Variants in TET3 observed in about 807,000 individuals in gnomAD.
TET3 encodes tet methylcytosine dioxygenase 3, also known as methylcytosine dioxygenase TET3.
Under a neutral mutation model 141.4 loss-of-function variants are expected in TET3, and 19 were observed. That is an observed-to-expected ratio of 0.13 (90% confidence interval 0.09 to 0.20). TET3 has a LOEUF of 0.20. TET3 is among the 10% of genes least tolerant of loss of function. TET3 has a pLI of 1.00. For missense variants in TET3, 1,874 were observed against 2,356.9 expected (o/e 0.80, Z 4.24); for synonymous variants, 1,043 against 980.9 (o/e 1.06, Z -1.18).
At chr2:74,126,425 A>G in the TET3 span, among the ~76,000 whole-genome samples, 2 of 152,062 alleles carry the variant, frequency 1.3e-5, no homozygotes, top group South Asian at 2.1e-4. Flanking sequence ...ACACTCATAC[A>G]TAGGCATTGA....
At chr2:73,990,798 C>G (rs1345573407) in intron 2 of TET3, among the ~76,000 whole-genome samples, 2 of 152,146 alleles carry the variant, frequency 1.3e-5, no homozygotes, top group Non-Finnish European at 2.9e-5. Flanking sequence ...GAATCCTTGC[C>G]CATCCTGCTG....
At chr2:74,088,502 G>A (rs1203477296) in intron 7 of TET3, among the ~76,000 whole-genome samples, 3 of 151,994 alleles carry the variant, frequency 2.0e-5, no homozygotes, top group South Asian at 2.1e-4. Flanking sequence ...TTAGTCAGGC[G>A]TGGTGGCACA....
the TET3 span, chr2:74,134,849 A>T: frequency 2.3e-6 from 1 of 438,114 alleles, no homozygotes; most frequent in Non-Finnish European, 4.7e-6. Flanking sequence ...CATCCAGAAC[A>T]CCAGATGTTG....
intron 4 of TET3, among the ~76,000 whole-genome samples, chr2:74,069,588 T>A (rs1271528788): frequency 6.6e-6 from 1 of 151,422 alleles, no homozygotes; most frequent in African/African-American, 2.4e-5. Flanking sequence ...CCCTTTCTTA[T>A]CTTTTTTTTT....
chr2:74,049,070 G>A (rs1444712492), intron 4 of TET3, among the ~76,000 whole-genome samples: 2 of 152,180 alleles, frequency 1.3e-5, no homozygotes, highest in East Asian at 1.9e-4. Flanking sequence ...TGTAAGAAAG[G>A]TGTTGTCATG....
At chr2:74,075,161 C>T (rs35120660) in intron 5 of TET3, among the ~76,000 whole-genome samples, 6,380 of 152,046 alleles carry the variant, frequency 0.042, 182 homozygotes, top group Middle Eastern at 0.095. Context: ...TGAGCCACTG[C>T]GCCCAGCTGC....
At chr2:74,114,302 G>A in the TET3 span, among the ~76,000 whole-genome samples, 6 of 38,198 alleles carry the variant, frequency 1.6e-4, no homozygotes, top group South Asian at 2.2e-3. Flanking sequence ...TTGGGGACTC[G>A]GGGGGGAGGG....
chr2:73,997,942 CA>C (rs1338894173), intron 2 of TET3, among the ~76,000 whole-genome samples: 1 of 152,130 alleles, frequency 6.6e-6, no homozygotes, highest in Non-Finnish European at 1.5e-5. Flanking sequence ...CCATAGAGGC[CA>C]GCCAGGAAGG....
intron 2 of TET3, among the ~76,000 whole-genome samples, chr2:73,999,203 G>A (rs57602370): frequency 3.9e-5 from 6 of 152,280 alleles, no homozygotes; most frequent in East Asian, 3.9e-4. Flanking sequence ...TATGAAAATC[G>A]TAGAGCAACA....
intron 4 of TET3, among the ~76,000 whole-genome samples, chr2:74,049,075 G>T (rs770165343): frequency 1.3e-5 from 2 of 152,172 alleles, no homozygotes; most frequent in Non-Finnish European, 2.9e-5. Context: ...GAAAGGTGTT[G>T]TCATGAGCCA....
In TET3 at chr2:74,099,447, C is replaced by G; in HGVS notation, c.3439C>G (p.Arg1147Gly). 1 of 1,613,914 alleles carries G rather than the reference C, an allele frequency of 6.2e-7. No individual in the cohort carries two copies. The change falls in exon 11 of 12, where the codon CGC becomes GGC. Residue 1147 changes from arginine to glycine, a missense_variant. Arg to Gly is a moderately radical substitution (Grantham distance 125). Around this residue, in one of 10 missense-constraint regions of TET3, gnomAD observed 53 missense variants for 112.8 expected, o/e 0.47. Coordinates refer to ENST00000409262, the MANE Select transcript of TET3 (RefSeq NM_001287491.2). ...GAIQVLTAFP[R>G]EVRRLPEPAK... ...CATCCAGGTGCTCACCGCCTTCCCC[C>G]GCGAGGTCCGACGCCTGCCCGAGCC...
intron 4 of TET3, 146 bp downstream of exon 4, chr2:74,048,557 G>A: frequency 2.1e-6 from 2 of 938,478 alleles, no homozygotes; most frequent in Non-Finnish European, 3.1e-6. Context: ...TGAGCTCATA[G>A]CCTAGTGGAA....
intron 3 of TET3, among the ~76,000 whole-genome samples, chr2:74,042,028 T>C (rs1433555410): frequency 1.3e-5 from 2 of 152,242 alleles, no homozygotes; most frequent in African/African-American, 4.8e-5. Context: ...CTATCATTAT[T>C]GATAAATATG....
intron 4 of TET3, among the ~76,000 whole-genome samples, chr2:74,054,730 A>G (rs1394063895): frequency 6.6e-6 from 1 of 152,198 alleles, no homozygotes; most frequent in East Asian, 1.9e-4. Context: ...ATGTTAAAGA[A>G]CCAATGGATA....
intron 4 of TET3, among the ~76,000 whole-genome samples, chr2:74,061,412 C>T (rs1348096489): frequency 4.9e-5 from 7 of 143,710 alleles, no homozygotes; most frequent in African/African-American, 1.8e-4. Flanking sequence ...GCTGGCAGGG[C>T]GGGGGGCTGA....
rs774301832 is a variant in TET3, at chr2:74,101,677, G to C, written c.4889G>C (p.Gly1630Ala). 6.2e-7 allele frequency: 1 copy of C among 1,613,718 alleles called. No individual in the cohort carries two copies. Among genetic ancestry groups the C allele is most frequent in the Non-Finnish European group, 8.5e-7 (1 of 1,179,876 alleles). Residue 1630 changes from glycine (G) to alanine (A), a missense_variant, in exon 12 of 12, where the codon GGT becomes GCT. Physicochemically the swap from Gly to Ala is moderately conservative, Grantham distance 60. Around this residue, in one of 10 missense-constraint regions of TET3, gnomAD observed 602 missense variants for 590.2 expected, o/e 1.02. Transcript: ENST00000409262. This position sits in a 1 kb window ranked among gnomAD's most constrained non-coding sequence, Gnocchi z 8.5. ...GTGAAGGAGGAGAAGGGCGGTGGTGGTGCGGAGGAGGAAGAGGAGGAGCTG... is the reference window on the plus strand; with the variant it reads ...GTGAAGGAGGAGAAGGGCGGTGGTGCTGCGGAGGAGGAAGAGGAGGAGCTG... Reference protein sequence around the residue: ...GAVKEEKGGGGAEEEEEELWS... With the variant: ...GAVKEEKGGGAAEEEEEELWS...
intron 10 of TET3, among the ~76,000 whole-genome samples, chr2:74,096,787 A>G (rs1451681484): frequency 7.0e-6 from 1 of 142,280 alleles, no homozygotes; most frequent in Non-Finnish European, 1.5e-5. Context: ...AAAAGAAAGA[A>G]AGAAAGAAAG....
At chr2:73,990,415 TG>T (rs1684265005) in intron 2 of TET3, among the ~76,000 whole-genome samples, 1 of 151,978 alleles carries the variant, frequency 6.6e-6, no homozygotes, top group Admixed American at 6.6e-5. Context: ...AGAAGAACCG[TG>T]GGGCAGAACA....
At chr2:74,124,343 G>A in the TET3 span, among the ~76,000 whole-genome samples, 154 of 150,654 alleles carry the variant, frequency 1.0e-3, no homozygotes, top group South Asian at 2.3e-3. Context: ...CAGCCGCCCC[G>A]TCCGGGAGGT....
Sources: allele counts gnomAD v4.1 joint callset (sites outside exome capture counted in the v4.1 genomes callset), GRCh38; gene constraint gnomAD v4.1.1; regional missense constraint gnomAD v4.1.1; non-coding constraint Gnocchi (gnomAD v3.1); transcripts MANE v1.5; gene names NCBI Gene and HGNC (gene_info 2026-07-23, HGNC 2026-07-21).